Variants in ROR1 observed in about 807,000 individuals in gnomAD.
ROR1 encodes the protein ROR family WNT receptor 1.
In ROR1, 19 loss-of-function variants were observed where a neutral mutation model predicts 78.8. That is an observed-to-expected ratio of 0.24 (90% CI 0.17 to 0.35). ROR1 has a LOEUF of 0.35. ROR1 is among the 10% of genes least tolerant of loss of function. ROR1 has a pLI of 1.00. For synonymous variants in ROR1, 386 were observed against 433.6 expected (o/e 0.89, Z 1.36); for missense variants, 917 against 1,177.8 (o/e 0.78, Z 3.24).
intron 1 of ROR1, among the ~76,000 whole-genome samples, chr1:63,816,959 G>A (rs965319842): frequency 2.0e-5 from 3 of 152,220 alleles, no homozygotes; most frequent in Admixed American, 6.5e-5. Context: ...GCTGGGCACT[G>A]GACTACAACA....
chr1:63,833,990 CT>C (rs71056008), intron 1 of ROR1, among the ~76,000 whole-genome samples: 22,054 of 131,824 alleles, frequency 0.17, 1,216 homozygotes, highest in Middle Eastern at 0.22. Flanking sequence ...TCTTCTTCTT[CT>C]TTTTTTTTTT....
At chr1:64,018,890 C>A (rs529571105) in intron 2 of ROR1, among the ~76,000 whole-genome samples, 6 of 152,248 alleles carry the variant, frequency 3.9e-5, no homozygotes, top group African/African-American at 1.4e-4. Flanking sequence ...GACCCGGGTT[C>A]GTTGAATCAG....
chr1:63,909,850 G>A (rs928338003), intron 1 of ROR1, among the ~76,000 whole-genome samples: 1 of 152,212 alleles, frequency 6.6e-6, no homozygotes, highest in African/African-American at 2.4e-5. Context: ...TTATTTTAAA[G>A]CATTCAAAGG....
intron 4 of ROR1, among the ~76,000 whole-genome samples, chr1:64,063,797 A>C (rs1646935429): frequency 6.6e-6 from 1 of 152,126 alleles, no homozygotes; most frequent in East Asian, 1.9e-4. Context: ...CCTGGGCTAC[A>C]CCCTAGATAA....
intron 1 of ROR1, among the ~76,000 whole-genome samples, chr1:63,793,407 T>C (rs913080961): frequency 1.3e-5 from 2 of 152,254 alleles, no homozygotes; most frequent in African/African-American, 4.8e-5. Flanking sequence ...AGAATGTTCC[T>C]AGCATAACAT....
intron 1 of ROR1, among the ~76,000 whole-genome samples, chr1:63,901,618 AC>A (rs1476478660): frequency 1.4e-5 from 2 of 147,660 alleles, no homozygotes; most frequent in South Asian, 4.4e-4. Flanking sequence ...AAAAAAAAAA[AC>A]CACCCAGATA....
chr1:63,996,139 A>C (rs1005463706), intron 1 of ROR1, among the ~76,000 whole-genome samples: 19 of 152,190 alleles, frequency 1.2e-4, no homozygotes, highest in African/African-American at 4.6e-4. Context: ...AACGTAGAAG[A>C]AAGTAAAATC....
chr1:63,987,826 G>A (rs1646264305), intron 1 of ROR1, among the ~76,000 whole-genome samples: 1 of 152,052 alleles, frequency 6.6e-6, no homozygotes, highest in South Asian at 2.1e-4. Context: ...GATCCTTTAA[G>A]CCAGGCTATT....
intron 1 of ROR1, among the ~76,000 whole-genome samples, chr1:63,909,155 C>T (rs890000790): frequency 6.6e-6 from 1 of 152,034 alleles, no homozygotes; most frequent in Admixed American, 6.6e-5. Context: ...CCTCCTGCCC[C>T]CTGCGCACCT....
chr1:64,141,733 A>G (rs548992476), intron 6 of ROR1, among the ~76,000 whole-genome samples: 1 of 152,308 alleles, frequency 6.6e-6, no homozygotes, highest in South Asian at 2.1e-4. Context: ...AGTTAAGTAA[A>G]TGAGTGCATC....
chr1:63,814,812 TCTC>T (rs1051051192), intron 1 of ROR1, among the ~76,000 whole-genome samples: 4 of 152,210 alleles, frequency 2.6e-5, no homozygotes, highest in Admixed American at 2.0e-4. Context: ...TGCCCACAGC[TCTC>T]CTCCTGCTGT....
intron 1 of ROR1, among the ~76,000 whole-genome samples, chr1:63,840,429 G>A (rs548501308): frequency 8.6e-5 from 13 of 151,670 alleles, no homozygotes; most frequent in African/African-American, 2.4e-4. Flanking sequence ...ACAGGTACAC[G>A]CCACCACGCC....
At chr1:64,165,701 C>CT (rs576997668) in intron 8 of ROR1, among the ~76,000 whole-genome samples, 23,772 of 103,000 alleles carry the variant, frequency 0.23, 3,648 homozygotes, top group Non-Finnish European at 0.29. Flanking sequence ...TCGGGTTTTA[C>CT]TTTTTTTTTT....
intron 4 of ROR1, among the ~76,000 whole-genome samples, chr1:64,136,207 A>C (rs1649095740): frequency 6.6e-6 from 1 of 152,148 alleles, no homozygotes. Flanking sequence ...TACTGTGTCC[A>C]ACTTGTAGAT....
At chr1:63,842,498 G>T (rs1645055116) in intron 1 of ROR1, among the ~76,000 whole-genome samples, 1 of 152,156 alleles carries the variant, frequency 6.6e-6, no homozygotes, top group African/African-American at 2.4e-5. Context: ...CAACAAAGAT[G>T]CTTCACCTTT....
chr1:64,150,251 G>A (rs1243362504), intron 7 of ROR1, among the ~76,000 whole-genome samples: 2 of 151,822 alleles, frequency 1.3e-5, no homozygotes, highest in Non-Finnish European at 2.9e-5. Context: ...GAGTATCCAT[G>A]ATAAGAAAAG....
At chr1:63,900,812 A>T (rs1019003354) in intron 1 of ROR1, among the ~76,000 whole-genome samples, 3 of 152,210 alleles carry the variant, frequency 2.0e-5, no homozygotes, top group Non-Finnish European at 2.9e-5. Context: ...AATTTAAAAA[A>T]AATCTAAATA....
intron 1 of ROR1, among the ~76,000 whole-genome samples, chr1:63,993,239 G>A (rs1646310509): frequency 6.6e-6 from 1 of 152,150 alleles, no homozygotes; most frequent in African/African-American, 2.4e-5. Flanking sequence ...CTTATGAGGT[G>A]CTCTTTCTAT....
In ROR1 at chr1:63,781,370, C is replaced by T. The variant is rs186189336; in HGVS notation, c.91+6862C>T. 4.1e-4 allele frequency among the ~76,000 whole-genome samples: 63 copies of T among 152,190 alleles called. No homozygotes were observed. The East Asian group carries it at 4.6e-3, about 11-fold the overall frequency. The stretch of plus-strand genomic sequence containing the variant: ...GATCCTATTTTACAGATAAGAAAAT[C>T]GAGGCTCAGGAAGGTAAGTATCTCA... On this transcript the variant is annotated intron_variant, in intron 1 of 8. Coordinates refer to ENST00000371079, the MANE Select transcript of ROR1 (RefSeq NM_005012.4).
Sources: gnomAD v4.1 joint callset for allele counts (sites outside exome capture counted in the v4.1 genomes callset) on GRCh38, gnomAD v4.1.1 for gene constraint, MANE v1.5 for transcripts, NCBI Gene and HGNC (gene_info 2026-07-23, HGNC 2026-07-21) for gene names.